Variants in BEND7 observed in about 807,000 individuals in gnomAD.
The protein encoded by BEND7 is BEN domain-containing protein 7.
A neutral mutation model predicts 50.9 loss-of-function variants in BEND7; 28 were observed. That is an observed-to-expected ratio of 0.55 (90% confidence interval 0.41 to 0.75). The LOEUF (loss-of-function observed/expected upper bound fraction) is 0.75. Ranked by LOEUF, BEND7 falls within the 30% of genes least tolerant of loss-of-function variation. The pLI is 0.00. For missense variants in BEND7, 477 were observed against 491.3 expected, an observed-to-expected ratio of 0.97 and a Z score of 0.28; for synonymous variants, 170 against 183.9, an observed-to-expected ratio of 0.92 and a Z score of 0.61.
intron 7 of BEND7, among the ~76,000 whole-genome samples, chr10:13,448,050 CT>C (rs1836807464): frequency 6.6e-6 from 1 of 152,168 alleles, no homozygotes; most frequent in South Asian, 2.1e-4. Flanking sequence ...AACTGCCAAT[CT>C]AACTCTGGCA....
chr10:13,471,409 T>C (rs2074817060), intron 6 of BEND7, among the ~76,000 whole-genome samples: 1 of 152,234 alleles, frequency 6.6e-6, no homozygotes, highest in African/African-American at 2.4e-5. Flanking sequence ...TGGGGAAATG[T>C]CAACTGAACA....
chr10:13,462,307 G>A (rs910582072), intron 6 of BEND7, among the ~76,000 whole-genome samples: 1 of 152,216 alleles, frequency 6.6e-6, no homozygotes, highest in African/African-American at 2.4e-5. Context: ...GAAGGCAAAG[G>A]AAGAGCAAAG....
intron 1 of BEND7, among the ~76,000 whole-genome samples, chr10:13,526,504 GCTTT>G (rs2079467777): frequency 6.6e-6 from 1 of 152,132 alleles, no homozygotes; most frequent in African/African-American, 2.4e-5. Context: ...CAATTTTTAG[GCTTT>G]TTTTCTTTGA....
intron 4 of BEND7, among the ~76,000 whole-genome samples, chr10:13,494,916 T>G (rs2076927001): frequency 6.6e-6 from 1 of 152,192 alleles, no homozygotes; most frequent in Non-Finnish European, 1.5e-5. Context: ...AATTTTTAAG[T>G]TTAAGAAAAT....
upstream of BEND7, among the ~76,000 whole-genome samples, chr10:13,529,454 G>A (rs2079588558): frequency 6.6e-6 from 1 of 152,168 alleles, no homozygotes; most frequent in African/African-American, 2.4e-5. Context: ...TCTCTAGAAG[G>A]ACAGAGAGGA....
chr10:13,439,089 A>C, downstream of BEND7: 1 of 1,334,536 alleles, frequency 7.5e-7, no homozygotes, highest in Admixed American at 2.3e-5. Flanking sequence ...CAGGGCCTGA[A>C]ATCTTAACAG....
intron 4 of BEND7, among the ~76,000 whole-genome samples, chr10:13,495,976 C>A (rs750034619): frequency 6.6e-6 from 1 of 152,270 alleles, no homozygotes; most frequent in South Asian, 2.1e-4. Context: ...ATTCTGTTTT[C>A]CCTCAATTGT....
intron 8 of BEND7, chr10:13,444,707 C>A (rs1014337851): frequency 1.3e-5 from 2 of 152,196 alleles, no homozygotes; most frequent in Non-Finnish European, 2.9e-5. Flanking sequence ...AAGAAGCCAA[C>A]CAGAATGGGG....
At chr10:13,443,823 T>A (rs986009457) in intron 8 of BEND7, 1 of 152,220 alleles carries the variant, frequency 6.6e-6, no homozygotes, top group East Asian at 1.9e-4. Context: ...ATTTTACATA[T>A]TTGATCTCCA....
downstream of BEND7, chr10:13,439,218 C>G (rs760515742): frequency 1.1e-5 from 17 of 1,613,974 alleles, no homozygotes; most frequent in Non-Finnish European, 4.2e-6. Flanking sequence ...CTTGGCTGAG[C>G]CTGGCGTGGG....
At chr10:13,458,091 C>T (rs888063614) in intron 6 of BEND7, among the ~76,000 whole-genome samples, 2 of 152,236 alleles carry the variant, frequency 1.3e-5, no homozygotes, top group African/African-American at 4.8e-5. Flanking sequence ...AGGCACAGGG[C>T]GTATGTTAAG....
intron 7 of BEND7, among the ~76,000 whole-genome samples, chr10:13,448,437 C>T (rs1448473127): frequency 6.6e-6 from 1 of 152,092 alleles, no homozygotes; most frequent in African/African-American, 2.4e-5. Flanking sequence ...TCAGCCTTGG[C>T]ACCATGTTGT....
intron 7 of BEND7, among the ~76,000 whole-genome samples, chr10:13,447,811 C>T (rs1836747405): frequency 6.6e-6 from 1 of 152,140 alleles, no homozygotes. Flanking sequence ...TCTTATGAAC[C>T]TCATTCTATT....
At chr10:13,469,787 T>A (rs779744557) in intron 6 of BEND7, among the ~76,000 whole-genome samples, 3 of 152,174 alleles carry the variant, frequency 2.0e-5, no homozygotes, top group East Asian at 1.9e-4. Context: ...AAGTTATGAA[T>A]TTTTAAGGGG....
chr10:13,516,690 A>C (rs1186154836), intron 2 of BEND7, among the ~76,000 whole-genome samples: 1 of 152,102 alleles, frequency 6.6e-6, no homozygotes, highest in Non-Finnish European at 1.5e-5. Context: ...GCGCCGCTGC[A>C]CTCCAGCTTG....
chr10:13,474,559 C>G (rs1036265227), intron 6 of BEND7, among the ~76,000 whole-genome samples: 1 of 151,242 alleles, frequency 6.6e-6, no homozygotes, highest in Non-Finnish European at 1.5e-5. Context: ...GGGTTGATAC[C>G]CGTCACCGCT....
chr10:13,499,637 C>T (rs1330638901), intron 3 of BEND7, 141 bp downstream of exon 3: 2 of 1,022,056 alleles, frequency 2.0e-6, no homozygotes, highest in Non-Finnish European at 2.7e-6. Flanking sequence ...TCCTTTGTGT[C>T]TCCCTGTCTT....
intron 7 of BEND7, among the ~76,000 whole-genome samples, chr10:13,451,836 A>G (rs963821393): frequency 3.8e-5 from 5 of 130,604 alleles, no homozygotes; most frequent in Non-Finnish European, 6.1e-5. Context: ...TTCAATTCCC[A>G]CCTATGAGTG....
intron 6 of BEND7, among the ~76,000 whole-genome samples, chr10:13,459,210 T>C (rs1051504994): frequency 6.6e-6 from 1 of 151,608 alleles, no homozygotes; most frequent in Admixed American, 6.6e-5. Flanking sequence ...AATAGAAGCA[T>C]GGTGGCCAAC....
Sources: allele counts gnomAD v4.1 joint callset (sites outside exome capture counted in the v4.1 genomes callset), GRCh38; gene constraint gnomAD v4.1.1; transcripts MANE v1.5; gene names NCBI Gene and HGNC (gene_info 2026-07-23, HGNC 2026-07-21).